Variants in PDE3A observed in about 807,000 individuals in gnomAD.
The protein encoded by PDE3A is cGMP-inhibited 3',5'-cyclic phosphodiesterase 3A.
In PDE3A, 43 loss-of-function variants were observed where a neutral mutation model predicts 98.3. That is an observed-to-expected ratio of 0.44 (90% CI 0.34 to 0.56). PDE3A has a LOEUF of 0.56. Among genes scored for constraint, PDE3A ranks in the 20% least tolerant of loss-of-function variants. The pLI is 0.01. For missense variants in PDE3A, 1,427 were observed against 1,440.7 expected (o/e 0.99, Z 0.15); for synonymous variants, 663 against 567.9 (o/e 1.17, Z -2.38).
chr12:20,573,154 A>G (rs1592069875), intron 2 of PDE3A, among the ~76,000 whole-genome samples: 1 of 152,252 alleles, frequency 6.6e-6, no homozygotes, highest in East Asian at 1.9e-4. Flanking sequence ...AAAATAAAAT[A>G]CTTAAAATAT....
chr12:20,576,978 GA>G (rs1478699881), intron 2 of PDE3A, among the ~76,000 whole-genome samples: 4 of 151,754 alleles, frequency 2.6e-5, no homozygotes, highest in Non-Finnish European at 5.9e-5. Context: ...ACAATGAAGA[GA>G]TTGAGGAGTT....
intron 1 of PDE3A, among the ~76,000 whole-genome samples, chr12:20,547,496 T>C (rs866821944): frequency 2.0e-5 from 3 of 152,322 alleles, no homozygotes; most frequent in Admixed American, 6.5e-5. Context: ...CTTTACATCC[T>C]TATATGTATA....
intron 10 of PDE3A, among the ~76,000 whole-genome samples, chr12:20,643,624 A>AT (rs11304789): frequency 2.0e-5 from 3 of 151,654 alleles, no homozygotes; most frequent in Admixed American, 6.6e-5. Flanking sequence ...TTGGTTAGTG[A>AT]TTTTTTTTTT....
chr12:20,396,358 T>A (rs903965641), intron 1 of PDE3A, among the ~76,000 whole-genome samples: 1 of 152,250 alleles, frequency 6.6e-6, no homozygotes, highest in South Asian at 2.1e-4. Context: ...CTTTATCGCC[T>A]AAGCTGGCAT....
rs1312766702 is a variant in PDE3A at position 20,556,649 on chromosome 12, C to A, written c.961-11C>A. ...TAATCATTTAACTTATTATAATTTT[C>A]ATCTTTCCAGCTCATGGGGCATTCA... is the stretch of plus-strand genomic sequence containing the variant. On this transcript the variant is annotated splice_polypyrimidine_tract_variant and intron_variant, in intron 1 of 15. Coordinates refer to ENST00000359062, the MANE Select transcript of PDE3A (RefSeq NM_000921.5). 2 of 1,553,858 alleles carry A rather than the reference C, an allele frequency of 1.3e-6. No individual in the cohort carries two copies. Among genetic ancestry groups the A allele is most frequent in the Non-Finnish European group, 8.9e-7 (1 of 1,126,506 alleles).
intron 1 of PDE3A, among the ~76,000 whole-genome samples, chr12:20,470,735 T>C (rs1464124013): frequency 6.6e-6 from 1 of 150,486 alleles, no homozygotes; most frequent in African/African-American, 2.5e-5. Context: ...TTTCTAAAAC[T>C]TTCACAGTGC....
At chr12:20,638,283 T>C (rs1276363068) in intron 9 of PDE3A, among the ~76,000 whole-genome samples, 3 of 152,186 alleles carry the variant, frequency 2.0e-5, no homozygotes, top group Non-Finnish European at 4.4e-5. Flanking sequence ...GCCTTTCTTC[T>C]AGTGTTTGAT....
chr12:20,385,234 A>G (rs1220404473), intron 1 of PDE3A, among the ~76,000 whole-genome samples: 1 of 152,028 alleles, frequency 6.6e-6, no homozygotes, highest in Non-Finnish European at 1.5e-5. Context: ...CAAAACCACA[A>G]TGAGATACCA....
intron 1 of PDE3A, among the ~76,000 whole-genome samples, chr12:20,386,175 AT>A (rs1311447974): frequency 1.3e-5 from 1 of 78,514 alleles, no homozygotes; most frequent in African/African-American, 4.5e-5. Context: ...ATATATAAAA[AT>A]ATATATAAAT....
chr12:20,625,257 G>T (rs1944234916), intron 5 of PDE3A, among the ~76,000 whole-genome samples: 1 of 152,116 alleles, frequency 6.6e-6, no homozygotes, highest in Non-Finnish European at 1.5e-5. Context: ...AATATAATTT[G>T]TATTTTCAAT....
intron 1 of PDE3A, among the ~76,000 whole-genome samples, chr12:20,471,687 A>T (rs1945442790): frequency 6.6e-6 from 1 of 152,178 alleles, no homozygotes; most frequent in African/African-American, 2.4e-5. Flanking sequence ...TTGATTTTCT[A>T]GGATGTTTGG....
At chr12:20,382,828 A>G (rs1943686802) in intron 1 of PDE3A, among the ~76,000 whole-genome samples, 1 of 152,040 alleles carries the variant, frequency 6.6e-6, no homozygotes, top group Non-Finnish European at 1.5e-5. Flanking sequence ...ATTCTTGCCC[A>G]TTAGGGCCAG....
chr12:20,654,553 G>T (rs889111697), intron 15 of PDE3A, among the ~76,000 whole-genome samples: 2 of 151,804 alleles, frequency 1.3e-5, no homozygotes, highest in Admixed American at 1.3e-4. Context: ...CTGGCGTGCA[G>T]TGGCACGATC....
intron 1 of PDE3A, among the ~76,000 whole-genome samples, chr12:20,473,711 T>A (rs2120977258): frequency 6.6e-6 from 1 of 152,202 alleles, no homozygotes; most frequent in South Asian, 2.1e-4. Flanking sequence ...TTTATTTTTG[T>A]CTATTTTTGA....
intron 1 of PDE3A, among the ~76,000 whole-genome samples, chr12:20,535,504 C>G (rs1941726261): frequency 6.6e-6 from 1 of 152,088 alleles, no homozygotes; most frequent in Admixed American, 6.6e-5. Flanking sequence ...TGTCCCAGTT[C>G]TATCATTTAT....
intron 1 of PDE3A, among the ~76,000 whole-genome samples, chr12:20,472,430 A>G (rs1044399855): frequency 6.6e-6 from 1 of 152,152 alleles, no homozygotes; most frequent in Non-Finnish European, 1.5e-5. Context: ...TGCAAACCCC[A>G]GTCAGTAGGA....
At chr12:20,475,918 A>G (rs1945524727) in intron 1 of PDE3A, among the ~76,000 whole-genome samples, 1 of 152,186 alleles carries the variant, frequency 6.6e-6, no homozygotes. Flanking sequence ...TAAGCACCCA[A>G]GTAGAAACCA....
Position 20,441,172 on chromosome 12 carries a change from A to G in PDE3A, c.960+70928A>G, listed in dbSNP as rs189897624. Among the ~76,000 whole-genome samples, 254 of 152,308 alleles carry G rather than the reference A, an allele frequency of 1.7e-3. 1 individual carries two copies. Among genetic ancestry groups the G allele is most frequent in the African/African-American group, 5.8e-3 (240 of 41,574 alleles). Reference sequence around the variant, plus strand: ...TGAGAAAAATAAATTCTGCAAATATATAATTAAGTACCATGAAGCAATTAG... The same window carrying G: ...TGAGAAAAATAAATTCTGCAAATATGTAATTAAGTACCATGAAGCAATTAG... On this transcript the variant is annotated intron_variant, in intron 1 of 15. Coordinates refer to ENST00000359062, the MANE Select transcript of PDE3A (RefSeq NM_000921.5).
Position 20,654,137 on chromosome 12 carries a change from C to T in PDE3A, c.3116C>T (p.Pro1039Leu). ...DSDESGDTDD[P>L]EEEEEEAPAP... ...GATGAGTCAGGAGATACTGATGACC[C>T]AGAAGAAGAGGAGGAAGAAGCACCA... The change falls in exon 15 of 16, where the codon CCA becomes CTA. Residue 1039 changes from proline (P) to leucine (L), a missense_variant. By Grantham distance (98) the Pro-to-Leu change is moderately conservative (BLOSUM62 -3). Coordinates refer to ENST00000359062, the MANE Select transcript of PDE3A (RefSeq NM_000921.5). The T allele has an allele frequency of 6.2e-7, 1 of 1,613,890 alleles. No homozygotes were observed. Among genetic ancestry groups the T allele is most frequent in the Non-Finnish European group, 8.5e-7 (1 of 1,179,808 alleles).
Sources: allele counts gnomAD v4.1 joint callset (sites outside exome capture counted in the v4.1 genomes callset), GRCh38; gene constraint gnomAD v4.1.1; transcripts MANE v1.5; gene names NCBI Gene and HGNC (gene_info 2026-07-23, HGNC 2026-07-21).